KIF13A: variants seen among roughly 807,000 people sequenced by gnomAD.
The protein encoded by KIF13A is kinesin-like protein KIF13A.
In KIF13A, 79 loss-of-function variants were observed where a neutral mutation model predicts 212.2. The observed-to-expected ratio is 0.37, with a 90% CI of 0.31 to 0.45. The LOEUF (loss-of-function observed/expected upper bound fraction) is 0.45. Ranked by LOEUF, KIF13A falls within the 20% of genes least tolerant of loss-of-function variation. KIF13A has a pLI of 1.00. For synonymous variants in KIF13A, 789 were observed against 808.6 expected, an observed-to-expected ratio of 0.98 and a Z score of 0.41; for missense variants, 1,901 against 2,209.0, an observed-to-expected ratio of 0.86 and a Z score of 2.79.
rs184364571 is a variant in KIF13A, at chr6:17,939,923, C to T, written c.147-41743G>A. 5.1e-3 allele frequency among the ~76,000 whole-genome samples: 772 copies of T among 152,054 alleles called. 2 individuals are homozygous for T. Among genetic ancestry groups the T allele is most frequent in the Middle Eastern group, 0.034 (10 of 294 alleles). ...GGCGTGGTGGCGGGCGCCTATAGTG[C>T]CAGCTACTCGGGAGGCTGAGGCAGG... On this transcript the variant is annotated intron_variant, in intron 2 of 38. Transcript: ENST00000259711.
rs774930548 is a variant in KIF13A at position 17,967,974 on chromosome 6, G to C, written c.146+19080C>G. On this transcript the variant is annotated intron_variant, in intron 2 of 38. Coordinates refer to ENST00000259711, the MANE Select transcript of KIF13A (RefSeq NM_022113.6). This position sits in a 1 kb window ranked among gnomAD's most constrained non-coding sequence, Gnocchi z 4.1. ...AACAGGTTCAAAGCTATCCCCTGTA[G>C]ACTGCCATTTTCACATGACTTCCAT... is the stretch of plus-strand genomic sequence containing the variant. Among the ~76,000 whole-genome samples the C allele has an allele frequency of 3.9e-5, 6 of 152,172 alleles. No homozygotes were observed. The highest frequency in any genetic ancestry group is 1.4e-4 in the African/African-American group (6 of 41,424).
chr6:17,777,155 A>G lies in KIF13A; in HGVS notation c.4170+122T>C. ...TGTCCCTGGTACAGAGAAGCAGGCT[A>G]CACTTTGGGATGCCCACACCAGTTC... On this transcript the variant is annotated intron_variant, in intron 34 of 38. Transcript: ENST00000259711. This position sits in a 1 kb window ranked among gnomAD's most constrained non-coding sequence, Gnocchi z 4.4. 2 of 739,608 alleles carry G rather than the reference A, an allele frequency of 2.7e-6. No individual in the cohort carries two copies. The highest frequency in any genetic ancestry group is 4.8e-6 in the Non-Finnish European group (2 of 416,608). 45.8% of individuals were successfully genotyped at this position (739,608 alleles called of 1,614,324 possible). A position where few individuals can be genotyped will look rare whatever the true frequency, so the allele number is the denominator to read the frequency against.
Position 17,828,837 on chromosome 6 carries a change from T to C in KIF13A, c.1402-467A>G, listed in dbSNP as rs1765188305. The stretch of plus-strand genomic sequence containing the variant: ...TAAGAACCATTAAAAAGCAGTTTCA[T>C]TGACAGTAATATTTTAAAATATTCA... On this transcript the variant is annotated intron_variant, in intron 13 of 38. Coordinates refer to ENST00000259711, the MANE Select transcript of KIF13A (RefSeq NM_022113.6). The surrounding 1 kb of genome is among the most constrained non-coding windows in gnomAD (Gnocchi z 4.3). 6.6e-6 allele frequency among the ~76,000 whole-genome samples: 1 copy of C among 152,220 alleles called. No homozygotes were observed. The highest frequency in any genetic ancestry group is 1.5e-5 in the Non-Finnish European group (1 of 68,028).
Position 17,951,670 on chromosome 6 carries a change from C to T in KIF13A, c.146+35384G>A, listed in dbSNP as rs1028847276. On this transcript the variant is annotated intron_variant, in intron 2 of 38. Coordinates refer to ENST00000259711, the MANE Select transcript of KIF13A (RefSeq NM_022113.6). This position sits in a 1 kb window ranked among gnomAD's most constrained non-coding sequence, Gnocchi z 4.9. ...ACCATTAATCTACTTTCTGTCTCCA[C>T]GAATATGTCTGCTCTGGACATTTCA... Among the ~76,000 whole-genome samples the T allele has an allele frequency of 4.6e-5, 7 of 151,706 alleles. No individual in the cohort carries two copies. The highest frequency in any genetic ancestry group is 1.4e-4 in the African/African-American group (6 of 41,506).
chr6:17,854,506 C>T (rs1294171708), intron 6 of KIF13A, among the ~76,000 whole-genome samples: 3 of 143,744 alleles, frequency 2.1e-5, no homozygotes, highest in African/African-American at 7.7e-5. Flanking sequence ...ACCTATTTTT[C>T]AAATTTTCCA....
At chr6:17,774,360 G>A (rs1007119274) in intron 35 of KIF13A, among the ~76,000 whole-genome samples, 4 of 152,098 alleles carry the variant, frequency 2.6e-5, no homozygotes, top group African/African-American at 9.7e-5. Context: ...TATGGTGGAT[G>A]TAACACCTTC....
chr6:17,917,235 CTTTT>C (rs71002284), intron 2 of KIF13A, among the ~76,000 whole-genome samples: 4 of 79,096 alleles, frequency 5.1e-5, no homozygotes, highest in East Asian at 3.6e-4. Flanking sequence ...TTACACGATT[CTTTT>C]TTTTTTTTTT....
chr6:17,979,022 C>G (rs532324097), intron 2 of KIF13A, among the ~76,000 whole-genome samples: 5 of 152,188 alleles, frequency 3.3e-5, no homozygotes, highest in Non-Finnish European at 5.9e-5. Context: ...TGGTGGCTCA[C>G]GCCTGTAATC....
intron 2 of KIF13A, among the ~76,000 whole-genome samples, chr6:17,940,698 T>C (rs1300088576): frequency 2.0e-5 from 3 of 152,174 alleles, no homozygotes; most frequent in South Asian, 2.1e-4. Flanking sequence ...TAGCTTGATA[T>C]AAAAGAAGAT....
rs911324524 is a variant in KIF13A, at chr6:17,926,419, G to C, written c.147-28239C>G. ...GGCTAATTTTTGTATTTTTAGTAGA[G>C]ATGGTGTTTTGCCATGTTGGCCAGG... On this transcript the variant is annotated intron_variant, in intron 2 of 38. Transcript: ENST00000259711. The surrounding 1 kb of genome is among the most constrained non-coding windows in gnomAD (Gnocchi z 4.3). 6.6e-6 allele frequency among the ~76,000 whole-genome samples: 1 copy of C among 152,132 alleles called. No homozygotes were observed. Among genetic ancestry groups the C allele is most frequent in the Non-Finnish European group, 1.5e-5 (1 of 68,036 alleles).
At chr6:17,820,060 T>C (rs1264404437) in intron 16 of KIF13A, among the ~76,000 whole-genome samples, 1 of 152,000 alleles carries the variant, frequency 6.6e-6, no homozygotes. Flanking sequence ...TGTTAGTCAG[T>C]AGTGCAGAAA....
At chr6:17,859,975 C>A (rs1383395623) in intron 4 of KIF13A, among the ~76,000 whole-genome samples, 1 of 152,070 alleles carries the variant, frequency 6.6e-6, no homozygotes, top group Non-Finnish European at 1.5e-5. Context: ...GACTGATAAG[C>A]TGACTGGGGC....
intron 26 of KIF13A, among the ~76,000 whole-genome samples, chr6:17,788,171 T>C (rs936028230): frequency 5.9e-5 from 9 of 152,080 alleles, no homozygotes; most frequent in African/African-American, 2.2e-4. Context: ...AATGAGTGTA[T>C]GTATATTTAA....
At position 17,811,136 on chromosome 6, in the gene KIF13A, A is replaced by G. The variant is rs926007884; in HGVS notation, c.2001-2206T>C. Among the ~76,000 whole-genome samples, 26 of 152,202 alleles carry G rather than the reference A, an allele frequency of 1.7e-4. 1 individual carries two copies. The highest frequency in any genetic ancestry group is 1.5e-5 in the Non-Finnish European group (1 of 68,038). ...CTCTGCTGGTCAAACTCTACCTCTC[A>G]AATGCACTTGAAATCAATCCTTCTC... On this transcript the variant is annotated intron_variant, in intron 17 of 38. Transcript: ENST00000259711. This position sits in a 1 kb window ranked among gnomAD's most constrained non-coding sequence, Gnocchi z 6.0.
At chr6:17,862,670 C>T (rs1768916433) in intron 4 of KIF13A, among the ~76,000 whole-genome samples, 1 of 151,934 alleles carries the variant, frequency 6.6e-6, no homozygotes, top group Non-Finnish European at 1.5e-5. Flanking sequence ...AGGTATGAGC[C>T]GGGCATGGTG....
intron 11 of KIF13A, among the ~76,000 whole-genome samples, chr6:17,836,204 G>T (rs569143210): frequency 1.3e-5 from 2 of 152,308 alleles, no homozygotes; most frequent in Middle Eastern, 3.4e-3. Context: ...AAAAGAAAAA[G>T]ATTTCTGAAT....
At chr6:17,810,226 G>A (rs1030728838) in intron 17 of KIF13A, among the ~76,000 whole-genome samples, 43 of 152,052 alleles carry the variant, frequency 2.8e-4, no homozygotes, top group South Asian at 1.7e-3. Context: ...CATATCCCTG[G>A]CTCAGGGCCC....
rs1016368412 is a variant in KIF13A at position 17,892,634 on chromosome 6, C to A, written c.159+5534G>T. Reference sequence around the variant, plus strand: ...GAACATTTAGCCCAATTCTTGACTTCTGGGAGGGGAGAGACACTAGAGACT... The same window carrying A: ...GAACATTTAGCCCAATTCTTGACTTATGGGAGGGGAGAGACACTAGAGACT... On this transcript the variant is annotated intron_variant, in intron 3 of 38. Coordinates refer to ENST00000259711, the MANE Select transcript of KIF13A (RefSeq NM_022113.6). This position sits in a 1 kb window ranked among gnomAD's most constrained non-coding sequence, Gnocchi z 4.7. 8.5e-5 allele frequency among the ~76,000 whole-genome samples: 13 copies of A among 152,170 alleles called. No homozygotes were observed. Among genetic ancestry groups the A allele is most frequent in the African/African-American group, 2.9e-4 (12 of 41,438 alleles).
chr6:17,958,552 G>A (rs1220100089), intron 2 of KIF13A, among the ~76,000 whole-genome samples: 1 of 152,174 alleles, frequency 6.6e-6, no homozygotes, highest in East Asian at 1.9e-4. Context: ...CTCTATAGAT[G>A]TAGTACAGCT....
Sources: gnomAD v4.1 joint callset for allele counts (sites outside exome capture counted in the v4.1 genomes callset) on GRCh38, gnomAD v4.1.1 for gene constraint, Gnocchi (gnomAD v3.1) non-coding constraint, MANE v1.5 for transcripts, NCBI Gene and HGNC (gene_info 2026-07-23, HGNC 2026-07-21) for gene names.